The following AGBL1 variants were observed in gnomAD, a reference collection of about 807,000 sequenced individuals.
AGBL1 encodes AGBL carboxypeptidase 1, also known as cytosolic carboxypeptidase 4.
A neutral mutation model predicts 118.9 loss-of-function variants in AGBL1; 130 were observed. The observed-to-expected ratio is 1.09, with a 90% CI of 0.95 to 1.26. The LOEUF (loss-of-function observed/expected upper bound fraction) is 1.26. Among genes scored for constraint, AGBL1 ranks in the 50% most tolerant of loss-of-function variants. The pLI is 0.00. For synonymous variants in AGBL1, 555 were observed against 478.9 expected, an observed-to-expected ratio of 1.16 and a Z score of -2.08; for missense variants, 1,584 against 1,298.1, an observed-to-expected ratio of 1.22 and a Z score of -3.38.
intron 19 of AGBL1, among the ~76,000 whole-genome samples, chr15:86,538,733 A>T (rs1483571933): frequency 2.6e-5 from 4 of 152,234 alleles, no homozygotes; most frequent in Non-Finnish European, 5.9e-5. Flanking sequence ...CAGGAATGAG[A>T]CCCAGATGTC....
At chr15:86,724,997 C>T (rs1370919196) in intron 22 of AGBL1, among the ~76,000 whole-genome samples, 3 of 152,056 alleles carry the variant, frequency 2.0e-5, no homozygotes, top group Admixed American at 1.3e-4. Context: ...TCAAATATTC[C>T]TTTATAGCAA....
chr15:87,017,715 AC>A (rs2081621635), intron 24 of AGBL1, among the ~76,000 whole-genome samples: 1 of 152,098 alleles, frequency 6.6e-6, no homozygotes, highest in Admixed American at 6.6e-5. Flanking sequence ...AACCCTGAAA[AC>A]CCAAAAAGCC....
intron 22 of AGBL1, among the ~76,000 whole-genome samples, chr15:86,804,255 T>G (rs1467863595): frequency 6.6e-6 from 1 of 152,186 alleles, no homozygotes; most frequent in African/African-American, 2.4e-5. Context: ...GTTAAGTGCA[T>G]GTTCTCTGAC....
intron 5 of AGBL1, among the ~76,000 whole-genome samples, chr15:86,215,215 A>ATGTGTGTG (rs1457494719): frequency 2.4e-4 from 30 of 123,076 alleles, no homozygotes; most frequent in South Asian, 2.2e-3. Context: ...GTGTGAGTGT[A>ATGTGTGTG]TATGTATGCG....
At chr15:86,593,870 C>A (rs1352223164) in intron 21 of AGBL1, among the ~76,000 whole-genome samples, 1 of 151,654 alleles carries the variant, frequency 6.6e-6, no homozygotes, top group East Asian at 1.9e-4. Context: ...GTTCCTGTTT[C>A]TGCTTCTTCT....
At chr15:86,688,155 C>T (rs2086095870) in intron 22 of AGBL1, among the ~76,000 whole-genome samples, 1 of 152,042 alleles carries the variant, frequency 6.6e-6, no homozygotes, top group Admixed American at 6.6e-5. Context: ...AAGGGGAAGG[C>T]ACATTGCTTG....
At chr15:86,434,515 A>T (rs1390057865) in intron 18 of AGBL1, among the ~76,000 whole-genome samples, 5 of 152,220 alleles carry the variant, frequency 3.3e-5, no homozygotes, top group Admixed American at 2.0e-4. Flanking sequence ...CCCATTACTT[A>T]TTAGCCTCTG....
At chr15:86,320,560 C>A (rs1204062085) in intron 17 of AGBL1, among the ~76,000 whole-genome samples, 1 of 149,846 alleles carries the variant, frequency 6.7e-6, no homozygotes, top group East Asian at 2.0e-4. Flanking sequence ...TTTTTTTTTC[C>A]CCTTTGCTTC....
intron 22 of AGBL1, among the ~76,000 whole-genome samples, chr15:86,820,643 G>T (rs2078928346): frequency 6.6e-6 from 1 of 152,128 alleles, no homozygotes; most frequent in South Asian, 2.1e-4. Context: ...ACCATCTCAT[G>T]CCAGTTAGAA....
chr15:86,747,915 T>A (rs2077781555), intron 22 of AGBL1, among the ~76,000 whole-genome samples: 1 of 152,192 alleles, frequency 6.6e-6, no homozygotes, highest in Non-Finnish European at 1.5e-5. Flanking sequence ...TCTTTGCTAT[T>A]GTGAATAGTG....
intron 5 of AGBL1, among the ~76,000 whole-genome samples, chr15:86,163,065 G>C (rs184773303): frequency 6.6e-6 from 1 of 152,330 alleles, no homozygotes; most frequent in East Asian, 1.9e-4. Context: ...ACTTCCTAAA[G>C]TAGAAATCAA....
chr15:86,817,434 A>C (rs969972355), intron 22 of AGBL1, among the ~76,000 whole-genome samples: 1 of 151,304 alleles, frequency 6.6e-6, no homozygotes, highest in Non-Finnish European at 1.5e-5. Context: ...GCTATTAAAT[A>C]AGGCAAGTGT....
intron 23 of AGBL1, among the ~76,000 whole-genome samples, chr15:86,955,750 A>G (rs2080923465): frequency 6.6e-6 from 1 of 152,170 alleles, no homozygotes. Context: ...CGGATTATGA[A>G]GAAGAAAAAT....
chr15:86,959,913 T>A (rs990663603), intron 23 of AGBL1, among the ~76,000 whole-genome samples: 24 of 152,132 alleles, frequency 1.6e-4, no homozygotes, highest in Admixed American at 1.6e-3. Context: ...GGATCTTTAT[T>A]GCTCTGTTCA....
At chr15:86,883,134 A>G (rs957301752) in intron 22 of AGBL1, among the ~76,000 whole-genome samples, 3 of 152,228 alleles carry the variant, frequency 2.0e-5, no homozygotes, top group African/African-American at 7.2e-5. Flanking sequence ...TATTTAAAAC[A>G]TTGCTTCCAT....
intron 19 of AGBL1, among the ~76,000 whole-genome samples, chr15:86,533,571 A>G (rs960133945): frequency 2.9e-5 from 4 of 137,478 alleles, no homozygotes; most frequent in African/African-American, 1.2e-4. Context: ...TCAGGGATCT[A>G]GAACTAGAAA....
chr15:86,820,467 G>A (rs1306270277), intron 22 of AGBL1, among the ~76,000 whole-genome samples: 1 of 151,800 alleles, frequency 6.6e-6, no homozygotes, highest in Admixed American at 6.6e-5. Flanking sequence ...CCATCAAAAA[G>A]GAACTTAAAC....
intron 18 of AGBL1, among the ~76,000 whole-genome samples, chr15:86,454,068 G>T (rs532141297): frequency 6.6e-6 from 1 of 151,912 alleles, no homozygotes; most frequent in Non-Finnish European, 1.5e-5. Context: ...TCTTCACTAC[G>T]TATGGAAGAC....
chr15:86,630,426 G>C (rs2084945879), intron 21 of AGBL1: 1 of 152,274 alleles, frequency 6.6e-6, no homozygotes, highest in African/African-American at 2.4e-5. Context: ...AGACTCCATA[G>C]GCTGACTCCC....
Sources: gnomAD v4.1 joint callset for allele counts (sites outside exome capture counted in the v4.1 genomes callset) on GRCh38, gnomAD v4.1.1 for gene constraint, MANE v1.5 for transcripts, NCBI Gene and HGNC (gene_info 2026-07-23, HGNC 2026-07-21) for gene names.